The following NFIC variants were observed in gnomAD, a reference collection of about 807,000 sequenced individuals.
The protein encoded by NFIC is nuclear factor 1 C-type.
A neutral mutation model predicts 54.4 loss-of-function variants in NFIC; 12 were observed. The observed-to-expected ratio is 0.22, with a 90% CI of 0.14 to 0.36. The LOEUF (loss-of-function observed/expected upper bound fraction) is 0.36, where lower values mean the gene tolerates loss of function less well. NFIC is among the 10% of genes least tolerant of loss of function. NFIC has a pLI of 1.00. For synonymous variants in NFIC, 322 were observed against 319.2 expected (o/e 1.01, Z -0.09); for missense variants, 575 against 718.2 (o/e 0.80, Z 2.28).
At chr19:3,364,240 G>T (rs1244283972), upstream of NFIC, among the ~76,000 whole-genome samples, 1 of 151,768 alleles carries the variant, frequency 6.6e-6, no homozygotes, top group East Asian at 1.9e-4. Flanking sequence ...CCCTCCACAT[G>T]CAGGTCCCAA....
upstream of NFIC, among the ~76,000 whole-genome samples, chr19:3,363,241 G>GTGCGTGTGTGTGTGTGTATATA (rs1165983533): frequency 1.3e-5 from 1 of 77,030 alleles, no homozygotes; most frequent in Non-Finnish European, 2.5e-5. Context: ...GTATGTGTGT[G>GTGCGTGTGTGTGTGTGTATATA]TATATATATA....
chr19:3,425,634 A>G (rs907686457), intron 3 of NFIC, among the ~76,000 whole-genome samples: 1 of 151,430 alleles, frequency 6.6e-6, no homozygotes, highest in African/African-American at 2.4e-5. Flanking sequence ...TAATTTTTGT[A>G]TTTTTAGTAG....
At chr19:3,444,549 G>T (rs8107689) in intron 6 of NFIC, among the ~76,000 whole-genome samples, 1 of 152,044 alleles carries the variant, frequency 6.6e-6, no homozygotes, top group East Asian at 1.9e-4. Context: ...TGCCGGGAGC[G>T]TGCCGGCTTA....
intron 2 of NFIC, among the ~76,000 whole-genome samples, chr19:3,401,958 T>C (rs987907323): frequency 1.3e-5 from 2 of 152,048 alleles, no homozygotes; most frequent in Non-Finnish European, 2.9e-5. Flanking sequence ...CTGAACTCAA[T>C]TGATCCAACC....
At chr19:3,445,268 C>T (rs894336080) in intron 6 of NFIC, among the ~76,000 whole-genome samples, 4 of 152,250 alleles carry the variant, frequency 2.6e-5, no homozygotes, top group South Asian at 4.1e-4. Context: ...GCCTGGCCTC[C>T]CCGGCTCCAG....
chr19:3,408,516 A>G (rs928995434), intron 2 of NFIC, among the ~76,000 whole-genome samples: 4 of 152,164 alleles, frequency 2.6e-5, no homozygotes, highest in Non-Finnish European at 5.9e-5. Flanking sequence ...GTCATAGCTC[A>G]TCGCAGCCTC....
rs2080985626 is a variant in NFIC, at chr19:3,370,607, G to GTCTCCCTTCTCTCCCTCTCTCCT, written c.30+3946_30+3968dup. Among the ~76,000 whole-genome samples the GTCTCCCTTCTCTCCCTCTCTCCT allele has an allele frequency of 7.2e-6, 1 of 139,258 alleles. No individual in the cohort carries two copies. The highest frequency in any genetic ancestry group is 1.5e-5 in the Non-Finnish European group (1 of 65,244). 91.4% of individuals were successfully genotyped at this position (139,258 alleles called of 152,430 possible). ...CCTCTTCCTTTCTCTCTCTCTCCCC[G>GTCTCCCTTCTCTCCCTCTCTCCT]TCTCCCTTCTCTCCCTCTCTCCTTC... On this transcript the variant is annotated intron_variant, in intron 1 of 10. Coordinates refer to ENST00000443272, the MANE Select transcript of NFIC (RefSeq NM_001245002.2). This position sits in a 1 kb window ranked among gnomAD's most constrained non-coding sequence, Gnocchi z 5.2.
intron 3 of NFIC, among the ~76,000 whole-genome samples, chr19:3,429,059 A>T (rs2145614923): frequency 6.6e-6 from 1 of 151,138 alleles, no homozygotes; most frequent in East Asian, 2.0e-4. Context: ...CTGAAGCGGG[A>T]GGATCGCTTG....
chr19:3,360,593 G>T (rs1390990850), intron 1 of NFIC, among the ~76,000 whole-genome samples: 1 of 152,194 alleles, frequency 6.6e-6, no homozygotes, highest in Non-Finnish European at 1.5e-5. Flanking sequence ...TTGGGGCCGC[G>T]GGTCCCGGCG....
At chr19:3,363,242 T>TGTGTGC (rs1491197799), upstream of NFIC, among the ~76,000 whole-genome samples, 1 of 61,190 alleles carries the variant, frequency 1.6e-5, no homozygotes, top group African/African-American at 6.8e-5. Flanking sequence ...TATGTGTGTG[T>TGTGTGC]ATATATATAT....
intron 2 of NFIC, among the ~76,000 whole-genome samples, chr19:3,395,546 G>T (rs1161734362): frequency 6.6e-6 from 1 of 150,628 alleles, no homozygotes; most frequent in Non-Finnish European, 1.5e-5. Context: ...GCCCAGGCTG[G>T]AGTGCTGTGG....
Position 3,452,630 on chromosome 19 carries a change from G to T in NFIC, c.1233G>T (p.Ser411=). ...NPQDPLKDLV[S]LACDPASQQP... ...AGGACCCGCTCAAAGATCTTGTCTC[G>T]CTGGCCTGCGACCCAGCCAGCCAGC... The change falls in exon 8 of 11, where the codon TCG becomes TCT. Residue 411 remains serine, a synonymous_variant. Transcript: ENST00000443272. This position sits in a 1 kb window ranked among gnomAD's most constrained non-coding sequence, Gnocchi z 5.3. The T allele has an allele frequency of 1.2e-6, 2 of 1,611,912 alleles. No individual in the cohort carries two copies. Among genetic ancestry groups the T allele is most frequent in the South Asian group, 1.1e-5 (1 of 90,976 alleles).
chr19:3,432,957 A>G (rs1474337446), intron 3 of NFIC, among the ~76,000 whole-genome samples: 1 of 151,282 alleles, frequency 6.6e-6, no homozygotes, highest in Non-Finnish European at 1.5e-5. Flanking sequence ...GACGTGAGCC[A>G]CCGCACCCGG....
At chr19:3,398,854 C>T (rs1267066703) in intron 2 of NFIC, among the ~76,000 whole-genome samples, 1 of 152,228 alleles carries the variant, frequency 6.6e-6, no homozygotes, top group Non-Finnish European at 1.5e-5. Flanking sequence ...GACCGGCGTC[C>T]CCCGCGGCTC....
At chr19:3,412,051 G>T (rs193211889) in intron 2 of NFIC, among the ~76,000 whole-genome samples, 6 of 152,178 alleles carry the variant, frequency 3.9e-5, no homozygotes, top group African/African-American at 1.4e-4. Flanking sequence ...AATCGACATC[G>T]TATACAATTG....
At chr19:3,429,124 A>C (rs184384656) in intron 3 of NFIC, among the ~76,000 whole-genome samples, 105 of 97,214 alleles carry the variant, frequency 1.1e-3, no homozygotes, top group Non-Finnish European at 1.5e-3. Flanking sequence ...ATCTCTACCC[A>C]AAAAAAAAAT....
rs112665553 is a variant in NFIC at position 3,424,480 on chromosome 19, G to A, written c.563-626G>A. Reference sequence around the variant, plus strand: ...CAACCTCCGCCTCCGAGGCTAAAGCGATTCTCCTGTCTCAGTCTCCCAAGT... The same window carrying A: ...CAACCTCCGCCTCCGAGGCTAAAGCAATTCTCCTGTCTCAGTCTCCCAAGT... On this transcript the variant is annotated intron_variant, in intron 2 of 10. Coordinates refer to ENST00000443272, the MANE Select transcript of NFIC (RefSeq NM_001245002.2). 9.9e-5 allele frequency among the ~76,000 whole-genome samples: 15 copies of A among 152,256 alleles called. 3 individuals carry two copies. The highest frequency in any genetic ancestry group is 3.1e-4 in the African/African-American group (13 of 41,554).
Position 3,366,592 on chromosome 19 carries a change from A to G in NFIC, c.-45A>G. Reference sequence around the variant, plus strand: ...TTTGGAAAAATGACTCAGTAAGTTCAGCGCGCCCGCTCCGGCCGGCCCTGC... The same window carrying G: ...TTTGGAAAAATGACTCAGTAAGTTCGGCGCGCCCGCTCCGGCCGGCCCTGC... On this transcript the variant is annotated 5_prime_UTR_variant, in exon 1 of 11. Coordinates refer to ENST00000443272, the MANE Select transcript of NFIC (RefSeq NM_001245002.2). 1 of 1,298,128 alleles carries G rather than the reference A, an allele frequency of 7.7e-7. No homozygotes were observed. Among genetic ancestry groups the G allele is most frequent in the Non-Finnish European group, 1.0e-6 (1 of 953,788 alleles). The allele number at this position is 1,298,128 out of a possible 1,614,324, so 80.4% of individuals were successfully genotyped here.
In NFIC at chr19:3,446,520, T is replaced by A. The variant is rs1156389320; in HGVS notation, c.959-2494T>A. On this transcript the variant is annotated intron_variant, in intron 6 of 10. Coordinates refer to ENST00000443272, the MANE Select transcript of NFIC (RefSeq NM_001245002.2). ...GTGCCTGTCTGAGAGACCCTGGAGG[T>A]AAGGAACTCCAAGGGCCAGGTCGAA... Among the ~76,000 whole-genome samples the A allele has an allele frequency of 1.5e-4, 23 of 152,194 alleles. No individual in the cohort carries two copies. In the East Asian group the frequency reaches 3.7e-3, roughly 24 times the overall value.
Sources: allele counts gnomAD v4.1 joint callset (sites outside exome capture counted in the v4.1 genomes callset), GRCh38; gene constraint gnomAD v4.1.1; non-coding constraint Gnocchi (gnomAD v3.1); transcripts MANE v1.5; gene names NCBI Gene and HGNC (gene_info 2026-07-23, HGNC 2026-07-21).